Variants in SYT1 observed in about 807,000 individuals in gnomAD.
SYT1 encodes the protein synaptotagmin 1.
A neutral mutation model predicts 44.8 loss-of-function variants in SYT1; 8 were observed. That is an observed-to-expected ratio of 0.18 (90% CI 0.10 to 0.32). SYT1 has a LOEUF of 0.32. SYT1 is among the 10% of genes least tolerant of loss of function. The probability of loss-of-function intolerance (pLI) is 1.00; values close to 1 mark genes in which losing one functional copy is unlikely to be tolerated. For synonymous variants in SYT1, 154 were observed against 188.8 expected (o/e 0.82, Z 1.51); for missense variants, 286 against 509.3 (o/e 0.56, Z 4.22).
intron 4 of SYT1, among the ~76,000 whole-genome samples, chr12:79,223,765 G>A (rs943410194): frequency 1.5e-4 from 23 of 152,166 alleles, no homozygotes; most frequent in African/African-American, 5.3e-4. Context: ...GTCCCTCCTG[G>A]CACCAGGGCA....
At chr12:79,348,112 G>A (rs1882687020) in intron 8 of SYT1, among the ~76,000 whole-genome samples, 1 of 152,130 alleles carries the variant, frequency 6.6e-6, no homozygotes, top group Non-Finnish European at 1.5e-5. Flanking sequence ...GCCTTTTAGT[G>A]TAAGGAACAG....
At chr12:79,392,517 A>G (rs1181118526) in intron 9 of SYT1, 1 of 152,196 alleles carries the variant, frequency 6.6e-6, no homozygotes, top group African/African-American at 2.4e-5. Context: ...TTGATCCCAC[A>G]TATGGTATAT....
chr12:79,080,716 C>A (rs974449615), intron 3 of SYT1, among the ~76,000 whole-genome samples: 4 of 152,246 alleles, frequency 2.6e-5, no homozygotes, highest in Admixed American at 1.3e-4. Flanking sequence ...ACTCTATTAT[C>A]TTAAAGGCAT....
At chr12:78,897,804 G>C (rs1173329961) in intron 1 of SYT1, among the ~76,000 whole-genome samples, 1 of 152,006 alleles carries the variant, frequency 6.6e-6, no homozygotes, top group Non-Finnish European at 1.5e-5. Flanking sequence ...ATGTTCATTA[G>C]AGAATATAGT....
At chr12:79,193,996 T>A (rs888012527) in intron 3 of SYT1, among the ~76,000 whole-genome samples, 1 of 152,192 alleles carries the variant, frequency 6.6e-6, no homozygotes, top group Non-Finnish European at 1.5e-5. Context: ...ATTGTAATCA[T>A]CTAACTGTTG....
intron 8 of SYT1, among the ~76,000 whole-genome samples, chr12:79,323,291 G>A (rs1263403827): frequency 6.6e-6 from 1 of 152,136 alleles, no homozygotes; most frequent in African/African-American, 2.4e-5. Flanking sequence ...GATTCCTGAA[G>A]CTATGAACTA....
chr12:79,055,566 C>T (rs1399821841), intron 3 of SYT1, among the ~76,000 whole-genome samples: 1 of 151,874 alleles, frequency 6.6e-6, no homozygotes, highest in Admixed American at 6.6e-5. Flanking sequence ...AGAATGTTTG[C>T]ACTGGATAAA....
intron 3 of SYT1, among the ~76,000 whole-genome samples, chr12:79,088,798 G>T (rs924766329): frequency 1.3e-5 from 2 of 150,990 alleles, no homozygotes; most frequent in Admixed American, 6.6e-5. Context: ...GTGTGTGAGG[G>T]GGCAGAGAGA....
At chr12:79,037,739 C>T (rs1873229978) in intron 2 of SYT1, among the ~76,000 whole-genome samples, 1 of 151,702 alleles carries the variant, frequency 6.6e-6, no homozygotes, top group African/African-American at 2.4e-5. Context: ...TACCAGCAAC[C>T]CCACAGGTAC....
intron 1 of SYT1, among the ~76,000 whole-genome samples, chr12:78,889,701 T>C (rs1874942399): frequency 6.6e-6 from 1 of 151,968 alleles, no homozygotes; most frequent in Admixed American, 6.6e-5. Flanking sequence ...TGTGAGATAT[T>C]AATAATTCTC....
At chr12:78,931,441 G>T (rs1221549190) in intron 1 of SYT1, among the ~76,000 whole-genome samples, 1 of 145,834 alleles carries the variant, frequency 6.9e-6, no homozygotes, top group Admixed American at 6.8e-5. Context: ...GGAAAAGAAA[G>T]AAATAGAGAG....
At chr12:79,383,715 A>T (rs1884318725) in intron 9 of SYT1, among the ~76,000 whole-genome samples, 1 of 152,178 alleles carries the variant, frequency 6.6e-6, no homozygotes, top group Non-Finnish European at 1.5e-5. Context: ...ATAGGGAGTG[A>T]ATCCCTAGAT....
intron 2 of SYT1, among the ~76,000 whole-genome samples, chr12:79,023,894 T>C (rs997232337): frequency 2.0e-5 from 3 of 151,792 alleles, no homozygotes; most frequent in African/African-American, 7.3e-5. Context: ...TCCTAAACAC[T>C]TAAGTATGTA....
intron 3 of SYT1, among the ~76,000 whole-genome samples, chr12:79,170,310 C>T (rs1871440763): frequency 6.6e-6 from 1 of 152,114 alleles, no homozygotes; most frequent in African/African-American, 2.4e-5. Context: ...TTTACACTCC[C>T]ACCAACAATG....
intron 3 of SYT1, among the ~76,000 whole-genome samples, chr12:79,095,228 C>T (rs555297289): frequency 1.3e-5 from 2 of 151,880 alleles, no homozygotes; most frequent in South Asian, 4.1e-4. Context: ...TTCTTATAAA[C>T]TAATTCTTAC....
At chr12:79,203,097 T>TAAA (rs1332595593) in intron 3 of SYT1, among the ~76,000 whole-genome samples, 1,692 of 131,132 alleles carry the variant, frequency 0.013, 27 homozygotes, top group African/African-American at 0.038. Context: ...AAAAAAAAAT[T>TAAA]TTTTTATTGT....
chr12:79,410,446 T>C (rs1868367433), intron 9 of SYT1, among the ~76,000 whole-genome samples: 1 of 145,332 alleles, frequency 6.9e-6, no homozygotes, highest in South Asian at 2.2e-4. Context: ...TCCTCATCTC[T>C]CTTTTCCACT....
At chr12:79,292,251 A>C (rs1592936315) in intron 6 of SYT1, 121 bp downstream of exon 6, 1 of 1,194,310 alleles carries the variant, frequency 8.4e-7, no homozygotes, top group East Asian at 2.6e-5. Flanking sequence ...CAATTATCAA[A>C]GCTATGGATG....
intron 1 of SYT1, among the ~76,000 whole-genome samples, chr12:78,950,508 A>G (rs1310648469): frequency 6.6e-6 from 1 of 152,096 alleles, no homozygotes; most frequent in Non-Finnish European, 1.5e-5. Flanking sequence ...ATATAATTTC[A>G]TAAAATCAAA....
Sources: gnomAD v4.1 joint callset for allele counts (sites outside exome capture counted in the v4.1 genomes callset) on GRCh38, gnomAD v4.1.1 for gene constraint, MANE v1.5 for transcripts, NCBI Gene and HGNC (gene_info 2026-07-23, HGNC 2026-07-21) for gene names.